LRRTM3: variants seen among roughly 807,000 people sequenced by gnomAD.
The protein encoded by LRRTM3 is leucine rich repeat transmembrane neuronal 3.
Under a neutral mutation model 44.7 loss-of-function variants are expected in LRRTM3, and 24 were observed. The observed-to-expected ratio is 0.54, with a 90% CI of 0.39 to 0.76. The LOEUF is 0.76. Among genes scored for constraint, LRRTM3 ranks in the 30% least tolerant of loss-of-function variants. The pLI, the probability that LRRTM3 is intolerant of heterozygous loss-of-function variation, is 0.00. For missense variants in LRRTM3, 587 were observed against 702.2 expected, an observed-to-expected ratio of 0.84 and a Z score of 1.85; for synonymous variants, 277 against 278.7, an observed-to-expected ratio of 0.99 and a Z score of 0.06.
intron 2 of LRRTM3, among the ~76,000 whole-genome samples, chr10:67,082,415 A>G (rs1276711593): frequency 6.6e-6 from 1 of 152,186 alleles, no homozygotes; most frequent in Non-Finnish European, 1.5e-5. Context: ...AAGGCAGAAA[A>G]TGCCTAATCA....
At chr10:66,980,254 T>C (rs1044853028) in intron 2 of LRRTM3, among the ~76,000 whole-genome samples, 1 of 152,200 alleles carries the variant, frequency 6.6e-6, no homozygotes. Flanking sequence ...TAGAGACCAC[T>C]GTGTTCCTTG....
intron 2 of LRRTM3, among the ~76,000 whole-genome samples, chr10:67,008,511 T>C (rs1852137549): frequency 6.6e-6 from 1 of 152,170 alleles, no homozygotes; most frequent in African/African-American, 2.4e-5. Context: ...TTTTTTTACT[T>C]ATAAGAACAA....
At chr10:67,078,521 T>A (rs1004364808) in intron 2 of LRRTM3, among the ~76,000 whole-genome samples, 7 of 152,146 alleles carry the variant, frequency 4.6e-5, no homozygotes, top group East Asian at 1.9e-4. Flanking sequence ...CCTTTTTTAT[T>A]ATTATTATTA....
At chr10:66,943,903 TA>T in intron 2 of LRRTM3, among the ~76,000 whole-genome samples, 1 of 152,356 alleles carries the variant, frequency 6.6e-6, no homozygotes, top group South Asian at 2.1e-4. Context: ...ACTTTATTGC[TA>T]AAAAGTGCTC....
At chr10:67,009,551 G>A (rs1004286568) in intron 2 of LRRTM3, among the ~76,000 whole-genome samples, 11 of 151,404 alleles carry the variant, frequency 7.3e-5, no homozygotes, top group Non-Finnish European at 1.3e-4. Flanking sequence ...TTGCTTGTCC[G>A]TATCATATCT....
chr10:66,934,822 G>C (rs532448543), intron 2 of LRRTM3, among the ~76,000 whole-genome samples: 1 of 152,186 alleles, frequency 6.6e-6, no homozygotes, highest in Admixed American at 6.5e-5. Context: ...AATTTTTGTT[G>C]ACATTTCATC....
intron 2 of LRRTM3, among the ~76,000 whole-genome samples, chr10:67,040,641 T>C (rs1003783675): frequency 6.6e-6 from 1 of 151,958 alleles, no homozygotes; most frequent in Admixed American, 6.6e-5. Context: ...TATACAATGG[T>C]GACATTATTA....
chr10:67,089,884 C>T (rs1857529132), intron 2 of LRRTM3, among the ~76,000 whole-genome samples: 1 of 151,996 alleles, frequency 6.6e-6, no homozygotes, highest in Non-Finnish European at 1.5e-5. Flanking sequence ...GTGTCTTCAT[C>T]ATGTTTGTTC....
chr10:66,939,910 T>C (rs1847906933), intron 2 of LRRTM3, among the ~76,000 whole-genome samples: 1 of 152,228 alleles, frequency 6.6e-6, no homozygotes, highest in African/African-American at 2.4e-5. Flanking sequence ...GTTCTCTCTT[T>C]GTTATCCACT....
intron 2 of LRRTM3, among the ~76,000 whole-genome samples, chr10:67,064,182 A>G (rs951405096): frequency 2.6e-5 from 4 of 152,110 alleles, no homozygotes; most frequent in Non-Finnish European, 5.9e-5. Flanking sequence ...ATCTTACATC[A>G]TTAGAACATT....
intron 2 of LRRTM3, among the ~76,000 whole-genome samples, chr10:67,011,630 G>T (rs1852346201): frequency 1.3e-5 from 2 of 151,968 alleles, no homozygotes; most frequent in Admixed American, 1.3e-4. Flanking sequence ...TTTCACCCTA[G>T]GCTATGTGTA....
intron 2 of LRRTM3, among the ~76,000 whole-genome samples, chr10:67,071,454 A>G (rs1455820953): frequency 6.7e-6 from 1 of 150,060 alleles, no homozygotes; most frequent in African/African-American, 2.5e-5. Flanking sequence ...TTATCTTCTC[A>G]CTTCTTTTGT....
rs563602307 is a variant in LRRTM3 at position 67,072,151 on chromosome 10, G to C, written c.1537-25436G>C. ...GTATTTTTAGTAGAGATGGCTTTTT[G>C]CTATGTTGGTCAGGCTGGTCTCGAA... On this transcript the variant is annotated intron_variant, in intron 2 of 2. Transcript: ENST00000361320. Among the ~76,000 whole-genome samples the C allele has an allele frequency of 4.2e-4, 64 of 152,040 alleles. 1 individual carries two copies. The highest frequency in any genetic ancestry group is 1.5e-3 in the African/African-American group (64 of 41,500).
chr10:67,090,924 T>C (rs768632063), intron 2 of LRRTM3, among the ~76,000 whole-genome samples: 1 of 152,102 alleles, frequency 6.6e-6, no homozygotes, highest in Non-Finnish European at 1.5e-5. Context: ...CATATAGCAC[T>C]TATATTTTAT....
At chr10:66,987,572 T>G (rs1276006704) in intron 2 of LRRTM3, among the ~76,000 whole-genome samples, 2 of 152,178 alleles carry the variant, frequency 1.3e-5, no homozygotes, top group Non-Finnish European at 2.9e-5. Context: ...CTCATTGCCA[T>G]GAAAATTCAT....
chr10:67,039,044 G>A (rs549974331), intron 2 of LRRTM3, among the ~76,000 whole-genome samples: 2 of 152,148 alleles, frequency 1.3e-5, no homozygotes, highest in African/African-American at 4.8e-5. Flanking sequence ...ACTTGAGGTT[G>A]CTATATCAGC....
At chr10:66,951,715 G>A (rs6480243) in intron 2 of LRRTM3, among the ~76,000 whole-genome samples, 3,500 of 152,200 alleles carry the variant, frequency 0.023, 129 homozygotes, top group African/African-American at 0.08. Context: ...AAGGAAACTG[G>A]ATTACTTGAC....
chr10:66,926,162 A>C lies in LRRTM3; in HGVS notation c.-422A>C. The C allele has an allele frequency of 4.3e-6, 2 of 462,248 alleles. No homozygotes were observed. The highest frequency in any genetic ancestry group is 8.7e-6 in the Non-Finnish European group (2 of 230,864). 28.6% of individuals were successfully genotyped at this position (462,248 alleles called of 1,614,324 possible). ...GCTGAACTGGGTGCTCATCACGGGAACTGCTGGGGTATGGAATACAGATGT... is the reference window on the plus strand; with the variant it reads ...GCTGAACTGGGTGCTCATCACGGGACCTGCTGGGGTATGGAATACAGATGT... On this transcript the variant is annotated 5_prime_UTR_variant, in exon 1 of 3. Transcript: ENST00000361320.
At chr10:67,002,023 A>T (rs1196251126) in intron 2 of LRRTM3, among the ~76,000 whole-genome samples, 8 of 152,282 alleles carry the variant, frequency 5.3e-5, no homozygotes, top group Middle Eastern at 3.4e-3. Context: ...GGTTCCGAGG[A>T]GGTCACCGTC....
Sources: gnomAD v4.1 joint callset for allele counts (sites outside exome capture counted in the v4.1 genomes callset) on GRCh38, gnomAD v4.1.1 for gene constraint, MANE v1.5 for transcripts, NCBI Gene and HGNC (gene_info 2026-07-23, HGNC 2026-07-21) for gene names.